Variants in TMED3 observed in about 807,000 individuals in gnomAD.
TMED3 encodes the protein transmembrane p24 trafficking protein 3.
A neutral mutation model predicts 15.0 loss-of-function variants in TMED3; 9 were observed. The observed-to-expected ratio is 0.60, with a 90% CI of 0.36 to 1.04. TMED3 has a LOEUF of 1.04. Ranked by LOEUF, TMED3 falls within the 50% of genes least tolerant of loss-of-function variation. The pLI is 0.01. For synonymous variants in TMED3, 117 were observed against 121.4 expected, an observed-to-expected ratio of 0.96 and a Z score of 0.24; for missense variants, 267 against 278.9, an observed-to-expected ratio of 0.96 and a Z score of 0.30.
chr15:79,404,645 A>G (rs1567041144), intron 2 of TMED3, among the ~76,000 whole-genome samples: 1 of 152,142 alleles, frequency 6.6e-6, no homozygotes, highest in Admixed American at 6.5e-5. Context: ...CTGATCTCCC[A>G]ATCTTACTCC....
intron 2 of TMED3, among the ~76,000 whole-genome samples, chr15:79,369,977 A>G (rs1893305699): frequency 2.0e-5 from 3 of 152,364 alleles, no homozygotes; most frequent in Admixed American, 2.0e-4. Context: ...CCTAGTGGGC[A>G]TGCTTTGGTT....
chr15:79,330,339 C>T (rs1030878035), intron 2 of TMED3, among the ~76,000 whole-genome samples: 8 of 152,204 alleles, frequency 5.3e-5, no homozygotes, highest in Non-Finnish European at 8.8e-5. Flanking sequence ...AGTAAAGTTG[C>T]GGGATGCAAA....
intron 2 of TMED3, among the ~76,000 whole-genome samples, chr15:79,336,718 AAAAAC>A (rs1032628048): frequency 2.4e-5 from 3 of 124,354 alleles, no homozygotes; most frequent in African/African-American, 7.8e-5. Context: ...AACAAACACA[AAAAAC>A]AAACAAAGAA....
intron 2 of TMED3, among the ~76,000 whole-genome samples, chr15:79,376,353 G>T (rs1225601220): frequency 8.5e-5 from 13 of 152,178 alleles, no homozygotes; most frequent in Non-Finnish European, 7.3e-5. Flanking sequence ...ATTAGAGATA[G>T]ATATTATTGG....
At chr15:79,378,744 T>A (rs968729715) in intron 2 of TMED3, among the ~76,000 whole-genome samples, 1 of 152,240 alleles carries the variant, frequency 6.6e-6, no homozygotes, top group Non-Finnish European at 1.5e-5. Flanking sequence ...AGATGAATGC[T>A]TGCAAAAACA....
chr15:79,380,654 C>G (rs1010842033), intron 2 of TMED3, among the ~76,000 whole-genome samples: 1 of 150,888 alleles, frequency 6.6e-6, no homozygotes, highest in African/African-American at 2.4e-5. Flanking sequence ...TCAGAGGACT[C>G]TCCCTCAAGA....
At chr15:79,325,367 G>C (rs187088885), downstream of TMED3, among the ~76,000 whole-genome samples, 1 of 152,278 alleles carries the variant, frequency 6.6e-6, no homozygotes, top group East Asian at 1.9e-4. Flanking sequence ...GCTTTGTATG[G>C]TAAGAAAGCT....
At chr15:79,353,199 T>A (rs1462334197) in intron 2 of TMED3, among the ~76,000 whole-genome samples, 1 of 91,748 alleles carries the variant, frequency 1.1e-5, no homozygotes, top group Non-Finnish European at 1.9e-5. Context: ...ATATAATATA[T>A]AAAATATATA....
chr15:79,382,230 G>A (rs1301058059), intron 2 of TMED3, among the ~76,000 whole-genome samples: 2 of 152,190 alleles, frequency 1.3e-5, no homozygotes, highest in Admixed American at 1.3e-4. Flanking sequence ...CCATGCGCAG[G>A]TCATGGGTTC....
intron 2 of TMED3, among the ~76,000 whole-genome samples, chr15:79,376,259 A>G (rs1893425641): frequency 4.6e-5 from 7 of 152,214 alleles, no homozygotes; most frequent in Admixed American, 4.6e-4. Flanking sequence ...TGTAATTTGT[A>G]TAAACCATGC....
exon 3 of TMED3, chr15:79,413,474 C>G (rs1253880145): frequency 1.3e-5 from 2 of 152,208 alleles, no homozygotes; most frequent in Non-Finnish European, 2.9e-5. Flanking sequence ...TGTATTGACT[C>G]CTTCAGTGAA....
At chr15:79,312,765 T>C (rs1358870433) in intron 1 of TMED3, among the ~76,000 whole-genome samples, 1 of 152,206 alleles carries the variant, frequency 6.6e-6, no homozygotes, top group Non-Finnish European at 1.5e-5. Flanking sequence ...CTTCGATCAA[T>C]ATTTTTCTTC....
chr15:79,349,829 C>T (rs1026257677), intron 2 of TMED3, among the ~76,000 whole-genome samples: 9 of 152,162 alleles, frequency 5.9e-5, no homozygotes, highest in African/African-American at 1.9e-4. Context: ...TTTTCAGTGG[C>T]TCCATCTTTC....
chr15:79,337,207 T>A (rs1359371061), intron 2 of TMED3, among the ~76,000 whole-genome samples: 3 of 152,192 alleles, frequency 2.0e-5, no homozygotes, highest in African/African-American at 7.2e-5. Flanking sequence ...TCAACAGGGT[T>A]GGTTTCTCCT....
At chr15:79,358,044 A>G (rs1266114273) in intron 2 of TMED3, among the ~76,000 whole-genome samples, 1 of 152,208 alleles carries the variant, frequency 6.6e-6, no homozygotes, top group Non-Finnish European at 1.5e-5. Context: ...CAGATAAATC[A>G]GCAATCAGCA....
chr15:79,354,673 G>T (rs184741246), intron 2 of TMED3, among the ~76,000 whole-genome samples: 1 of 151,492 alleles, frequency 6.6e-6, no homozygotes, highest in African/African-American at 2.4e-5. Flanking sequence ...AAGGAAAAAA[G>T]GGGACTCTTT....
chr15:79,323,778 TA>T (rs1304536166), downstream of TMED3, among the ~76,000 whole-genome samples: 3 of 151,978 alleles, frequency 2.0e-5, no homozygotes, highest in South Asian at 2.1e-4. Flanking sequence ...CTTTCAACCT[TA>T]AAAAAAATAG....
intron 2 of TMED3, among the ~76,000 whole-genome samples, chr15:79,332,511 A>C (rs1034095171): frequency 6.6e-6 from 1 of 152,190 alleles, no homozygotes; most frequent in Non-Finnish European, 1.5e-5. Context: ...CATGTTAAAG[A>C]CTTGGTTTTT....
intron 2 of TMED3, among the ~76,000 whole-genome samples, chr15:79,405,765 T>C (rs1893894932): frequency 6.6e-6 from 1 of 152,220 alleles, no homozygotes; most frequent in Admixed American, 6.5e-5. Context: ...TAGTGGGCCA[T>C]CATGATGCTT....
Sources: gnomAD v4.1 joint callset for allele counts (sites outside exome capture counted in the v4.1 genomes callset) on GRCh38, gnomAD v4.1.1 for gene constraint, MANE v1.5 for transcripts, NCBI Gene and HGNC (gene_info 2026-07-23, HGNC 2026-07-21) for gene names.